Variants in TBC1D32 observed in about 807,000 individuals in gnomAD.
TBC1D32 encodes the protein protein broad-minded.
A neutral mutation model predicts 170.3 loss-of-function variants in TBC1D32; 151 were observed. The observed-to-expected ratio is 0.89, with a 90% confidence interval of 0.78 to 1.01. The LOEUF (loss-of-function observed/expected upper bound fraction) is 1.01. Ranked by LOEUF, TBC1D32 falls within the 50% of genes least tolerant of loss-of-function variation. TBC1D32 has a pLI of 0.00. For synonymous variants in TBC1D32, 498 were observed against 488.0 expected (o/e 1.02, Z -0.27); for missense variants, 1,464 against 1,457.1 (o/e 1.00, Z -0.08).
intron 22 of TBC1D32, among the ~76,000 whole-genome samples, chr6:121,190,193 C>T (rs574614948): frequency 2.7e-5 from 4 of 150,672 alleles, no homozygotes; most frequent in South Asian, 2.1e-4. Flanking sequence ...GCAAGCCTCC[C>T]GCTCTTTCTC....
intron 24 of TBC1D32, among the ~76,000 whole-genome samples, chr6:121,155,088 G>A (rs1784711920): frequency 6.6e-6 from 1 of 152,074 alleles, no homozygotes; most frequent in South Asian, 2.1e-4. Flanking sequence ...AAATTGCTTT[G>A]GGAAGTATGG....
At chr6:121,195,680 A>G (rs1237548887) in intron 22 of TBC1D32, among the ~76,000 whole-genome samples, 1 of 152,186 alleles carries the variant, frequency 6.6e-6, no homozygotes, top group Non-Finnish European at 1.5e-5. Flanking sequence ...CAGCTTGCAC[A>G]GATGGCCTCA....
chr6:121,178,574 T>C (rs577616363), intron 22 of TBC1D32, among the ~76,000 whole-genome samples: 1 of 152,282 alleles, frequency 6.6e-6, no homozygotes, highest in East Asian at 1.9e-4. Flanking sequence ...TTGTCCAGAT[T>C]CTTAGGGTAG....
chr6:121,208,729 G>GGAA (rs1412318299), intron 21 of TBC1D32, among the ~76,000 whole-genome samples: 2 of 86,898 alleles, frequency 2.3e-5, no homozygotes, highest in African/African-American at 7.1e-5. Flanking sequence ...GAAACACCTG[G>GGAA]AAAAAAAAAA....
chr6:121,210,664 A>G (rs1246774763), intron 21 of TBC1D32, among the ~76,000 whole-genome samples: 1 of 152,214 alleles, frequency 6.6e-6, no homozygotes, highest in African/African-American at 2.4e-5. Flanking sequence ...AAGTTGACTT[A>G]AAGATAGGAG....
intron 18 of TBC1D32, among the ~76,000 whole-genome samples, 181 bp from the exon 19 acceptor site, chr6:121,241,733 T>C (rs1372122559): frequency 2.6e-5 from 4 of 152,184 alleles, no homozygotes; most frequent in Non-Finnish European, 5.9e-5. Flanking sequence ...AAAAGCTGAT[T>C]ACAACTCAGT....
intron 15 of TBC1D32, among the ~76,000 whole-genome samples, chr6:121,267,018 T>C (rs1800596280): frequency 6.7e-6 from 1 of 149,600 alleles, no homozygotes; most frequent in Admixed American, 6.7e-5. Flanking sequence ...ATGGCACACA[T>C]TTACCTATGT....
chr6:121,268,277 A>C (rs1042817374), intron 15 of TBC1D32, among the ~76,000 whole-genome samples: 3 of 152,206 alleles, frequency 2.0e-5, no homozygotes, highest in Non-Finnish European at 4.4e-5. Flanking sequence ...AGTTGAGAGA[A>C]GAAGGCTTCA....
At chr6:121,151,303 G>A (rs1399476324) in intron 24 of TBC1D32, among the ~76,000 whole-genome samples, 5 of 152,174 alleles carry the variant, frequency 3.3e-5, no homozygotes, top group Non-Finnish European at 7.3e-5. Context: ...CCATGTAGTT[G>A]TGCGGTTTTG....
At chr6:121,265,373 A>C (rs561301938) in intron 15 of TBC1D32, among the ~76,000 whole-genome samples, 12 of 152,320 alleles carry the variant, frequency 7.9e-5, no homozygotes, top group African/African-American at 2.9e-4. Flanking sequence ...GGAACTCTTC[A>C]AAGTGAACTA....
At position 121,329,642 on chromosome 6, in the gene TBC1D32, G is replaced by A. The variant is rs568525435; in HGVS notation, c.155+4634C>T. ...ACTCCAGCCTGGGGGACAAGAGTGA[G>A]ACATCGTCTCAAAAAAAATAAATAA... is the stretch of plus-strand genomic sequence containing the variant. On this transcript the variant is annotated intron_variant, in intron 1 of 31. Transcript: ENST00000398212. Among the ~76,000 whole-genome samples, 6 of 151,462 alleles carry A rather than the reference G, an allele frequency of 4.0e-5. No individual in the cohort carries two copies. The South Asian group carries it at 8.3e-4, about 21-fold the overall frequency.
intron 30 of TBC1D32, chr6:121,096,001 G>A (rs1042386461): frequency 2.0e-5 from 3 of 152,166 alleles, no homozygotes; most frequent in African/African-American, 7.2e-5. Flanking sequence ...GTTTCAGAAG[G>A]AATGGCACCA....
intron 24 of TBC1D32, among the ~76,000 whole-genome samples, chr6:121,132,755 T>C (rs1781579642): frequency 6.6e-6 from 1 of 151,940 alleles, no homozygotes; most frequent in African/African-American, 2.4e-5. Flanking sequence ...AACTCATTAA[T>C]ACATAGCAGA....
At chr6:121,295,860 C>T (rs187862724) in intron 10 of TBC1D32, among the ~76,000 whole-genome samples, 7 of 152,246 alleles carry the variant, frequency 4.6e-5, no homozygotes, top group Admixed American at 3.9e-4. Flanking sequence ...TTTAGAAAGG[C>T]CTCCTTACAA....
At chr6:121,198,693 G>A (rs974382352) in intron 22 of TBC1D32, among the ~76,000 whole-genome samples, 2 of 151,126 alleles carry the variant, frequency 1.3e-5, no homozygotes, top group Admixed American at 1.3e-4. Context: ...GGAGCTTGCA[G>A]TGAGCCGAGA....
chr6:121,080,914 A>G, intron 31 of TBC1D32, 24 bp from the exon 32 acceptor site: 2 of 1,604,450 alleles, frequency 1.2e-6, no homozygotes, highest in Admixed American at 1.7e-5. Context: ...CAAAGGGAAA[A>G]TTATTTACTT....
At chr6:121,186,038 G>A (rs1789164746) in intron 22 of TBC1D32, among the ~76,000 whole-genome samples, 1 of 152,068 alleles carries the variant, frequency 6.6e-6, no homozygotes, top group African/African-American at 2.4e-5. Flanking sequence ...AGAGTAGAAG[G>A]GAAAATGATT....
chr6:121,117,385 A>G (rs944215636), intron 26 of TBC1D32, among the ~76,000 whole-genome samples: 9 of 152,130 alleles, frequency 5.9e-5, no homozygotes, highest in African/African-American at 2.2e-4. Context: ...ACATCAGAAA[A>G]TGGGTTAGGG....
intron 3 of TBC1D32, among the ~76,000 whole-genome samples, chr6:121,317,004 A>C (rs1809027049): frequency 6.6e-6 from 1 of 152,126 alleles, no homozygotes. Flanking sequence ...CTGCAGCCAA[A>C]TGACAAGGGT....
Sources: allele counts gnomAD v4.1 joint callset (sites outside exome capture counted in the v4.1 genomes callset), GRCh38; gene constraint gnomAD v4.1.1; transcripts MANE v1.5; gene names NCBI Gene and HGNC (gene_info 2026-07-23, HGNC 2026-07-21).